RAP1B: variants seen among roughly 807,000 people sequenced by gnomAD.
RAP1B encodes the protein ras-related protein Rap-1b.
A neutral mutation model predicts 27.5 loss-of-function variants in RAP1B; 1 was observed. The observed-to-expected ratio is 0.04, with a 90% CI of 0.01 to 0.17. The LOEUF is 0.17. RAP1B is among the 10% of genes least tolerant of loss of function. RAP1B has a pLI of 1.00. For missense variants in RAP1B, 84 were observed against 214.8 expected (o/e 0.39, Z 3.81); for synonymous variants, 75 against 73.1 (o/e 1.03, Z -0.13).
chr12:68,664,308 C>G lies in RAP1B; in HGVS notation c.*5059C>G, dbSNP rs2135979864. On this transcript the variant is annotated 3_prime_UTR_variant, in exon 8 of 8. Transcript: ENST00000250559. ...TCTATTTATGTCTGGTAGTTATGTC[C>G]CCTGTGAGCACTAATTTCAGAACAG... 1 of 152,186 alleles carries G rather than the reference C, an allele frequency of 6.6e-6. No individual in the cohort carries two copies. The highest frequency in any genetic ancestry group is 1.5e-5 in the Non-Finnish European group (1 of 68,014). The allele number at this position is 152,186 out of a possible 1,614,324, so 9.4% of individuals were successfully genotyped here.
At chr12:68,622,376 C>G (rs1396780199) in intron 1 of RAP1B, among the ~76,000 whole-genome samples, 1 of 152,202 alleles carries the variant, frequency 6.6e-6, no homozygotes, top group East Asian at 1.9e-4. Flanking sequence ...ATGTAATACC[C>G]TCCGGTCCCA....
At chr12:68,640,614 CAAAT>C (rs550673988) in intron 1 of RAP1B, among the ~76,000 whole-genome samples, 8 of 152,156 alleles carry the variant, frequency 5.3e-5, no homozygotes, top group Non-Finnish European at 1.2e-4. Flanking sequence ...ATCTCAGCAT[CAAAT>C]AAACAAGAAT....
In RAP1B at chr12:68,616,448, T is replaced by TC. The variant is rs1871018236; in HGVS notation, c.-27+5405_-27+5406insC. ...TACTGTGCCTGGCTAATTTTTTTTT[T>TC]TTTTTTTTTTTTTTTTGAGACGGAG... On this transcript the variant is annotated intron_variant, in intron 1 of 7. Coordinates refer to ENST00000250559, the MANE Select transcript of RAP1B (RefSeq NM_001010942.3). Among the ~76,000 whole-genome samples, 3 of 139,124 alleles carry TC rather than the reference T, an allele frequency of 2.2e-5. No individual in the cohort carries two copies. In the South Asian group the frequency reaches 7.3e-4, roughly 34 times the overall value. The allele number at this position is 139,124 out of a possible 152,430, so 91.3% of individuals were successfully genotyped here.
chr12:68,616,715 T>C (rs1871046344), intron 1 of RAP1B, among the ~76,000 whole-genome samples: 1 of 152,116 alleles, frequency 6.6e-6, no homozygotes. Flanking sequence ...ATTACAGGCA[T>C]GAGCCACCGC....
At chr12:68,623,802 C>G (rs1021508503) in intron 1 of RAP1B, among the ~76,000 whole-genome samples, 2 of 152,172 alleles carry the variant, frequency 1.3e-5, no homozygotes, top group Non-Finnish European at 2.9e-5. Flanking sequence ...GTGGGTGGAT[C>G]ACGAGGTCAG....
rs1387826731 is a variant in RAP1B at position 68,610,956 on chromosome 12, G to C, written c.-114G>C. 3 of 313,768 alleles carry C rather than the reference G, an allele frequency of 9.6e-6. No homozygotes were observed. Among genetic ancestry groups the C allele is most frequent in the Admixed American group, 1.0e-4 (2 of 19,666 alleles). 19.4% of individuals were successfully genotyped at this position (313,768 alleles called of 1,614,324 possible). On this transcript the variant is annotated 5_prime_UTR_variant, in exon 1 of 8. Coordinates refer to ENST00000250559, the MANE Select transcript of RAP1B (RefSeq NM_001010942.3). ...GTAAACCAGCCGGAGCGGCGCGGCA[G>C]CGGCAGGACCGCCGTGGCGCCTAGA...
chr12:68,657,469 A>G (rs980036918), intron 7 of RAP1B: 1 of 229,418 alleles, frequency 4.4e-6, no homozygotes, highest in Non-Finnish European at 8.5e-6. Context: ...CAGTGGCGCA[A>G]TATCAGCTCC....
In RAP1B at chr12:68,667,327, T is replaced by C. The variant is rs186197581; in HGVS notation, c.*8078T>C. The stretch of plus-strand genomic sequence containing the variant: ...CTGCTTGGTTATTTTGTTTTTGTTT[T>C]TTAAGAAATGGGAGGAGTGTAATAT... On this transcript the variant is annotated 3_prime_UTR_variant, in exon 8 of 8. Coordinates refer to ENST00000250559, the MANE Select transcript of RAP1B (RefSeq NM_001010942.3). The C allele has an allele frequency of 5.9e-5, 9 of 152,270 alleles. No homozygotes were observed. Among genetic ancestry groups the C allele is most frequent in the Non-Finnish European group, 7.4e-5 (5 of 68,018 alleles). The allele number at this position is 152,270 out of a possible 1,614,324, so 9.4% of individuals were successfully genotyped here.
chr12:68,623,712 T>G (rs1334654057), intron 1 of RAP1B, among the ~76,000 whole-genome samples: 1 of 152,228 alleles, frequency 6.6e-6, no homozygotes, highest in East Asian at 1.9e-4. Context: ...ATTTTAGGAT[T>G]TCAGAATTTC....
intron 1 of RAP1B, among the ~76,000 whole-genome samples, chr12:68,620,511 CT>C (rs1201185281): frequency 6.6e-6 from 1 of 151,816 alleles, no homozygotes; most frequent in Non-Finnish European, 1.5e-5. Context: ...ACTCTGTGGC[CT>C]TCTTTTTTAT....
chr12:68,631,135 C>A (rs951336344), intron 1 of RAP1B, among the ~76,000 whole-genome samples: 1 of 151,998 alleles, frequency 6.6e-6, no homozygotes, highest in Non-Finnish European at 1.5e-5. Context: ...AATTAATATC[C>A]TGTTATAAAA....
chr12:68,632,721 G>T (rs1721705433), intron 1 of RAP1B, among the ~76,000 whole-genome samples: 1 of 152,122 alleles, frequency 6.6e-6, no homozygotes, highest in African/African-American at 2.4e-5. Context: ...CACAACAGTG[G>T]TGTCTATTGC....
intron 1 of RAP1B, among the ~76,000 whole-genome samples, chr12:68,629,013 ATCTG>A (rs56340839): frequency 4.6e-5 from 7 of 151,820 alleles, no homozygotes; most frequent in South Asian, 2.1e-4. Flanking sequence ...TTTATCTTCT[ATCTG>A]TCTGTCTGTC....
At chr12:68,622,841 A>G (rs1015758972) in intron 1 of RAP1B, among the ~76,000 whole-genome samples, 19 of 152,286 alleles carry the variant, frequency 1.2e-4, no homozygotes, top group African/African-American at 4.1e-4. Context: ...CAATTCCCAT[A>G]ATAAGCTACT....
intron 1 of RAP1B, among the ~76,000 whole-genome samples, chr12:68,616,780 C>T (rs933032024): frequency 8.6e-5 from 13 of 151,806 alleles, no homozygotes; most frequent in African/African-American, 3.1e-4. Flanking sequence ...TGCCCAAGCT[C>T]ACCTCAAACT....
At chr12:68,612,877 C>A (rs1336322386) in intron 1 of RAP1B, among the ~76,000 whole-genome samples, 1 of 151,994 alleles carries the variant, frequency 6.6e-6, no homozygotes, top group East Asian at 1.9e-4. Flanking sequence ...TAGGTGTTTT[C>A]ACTTGCATTT....
At chr12:68,620,315 C>T (rs967261579) in intron 1 of RAP1B, among the ~76,000 whole-genome samples, 1 of 151,868 alleles carries the variant, frequency 6.6e-6, no homozygotes, top group African/African-American at 2.4e-5. Context: ...CCTCCTCCTC[C>T]CAGGTTCAAG....
chr12:68,610,914 C>T lies in RAP1B; in HGVS notation c.-156C>T, dbSNP rs187192254. The T allele has an allele frequency of 9.8e-6, 3 of 305,794 alleles. No homozygotes were observed. The highest frequency in any genetic ancestry group is 9.3e-5 in the East Asian group (2 of 21,432). 18.9% of individuals were successfully genotyped at this position (305,794 alleles called of 1,614,324 possible). A position where few individuals can be genotyped will look rare whatever the true frequency, so the allele number is the denominator to read the frequency against. On this transcript the variant is annotated 5_prime_UTR_variant, in exon 1 of 8. Coordinates refer to ENST00000250559, the MANE Select transcript of RAP1B (RefSeq NM_001010942.3). ...ACGTCAAGGCGACATCGCCAAACCT[C>T]GCCCAGATTCAGGCGTGTAAACCAG...
At chr12:68,658,474 A>G (rs1330005986) in intron 7 of RAP1B, among the ~76,000 whole-genome samples, 2 of 152,218 alleles carry the variant, frequency 1.3e-5, no homozygotes, top group South Asian at 2.1e-4. Flanking sequence ...CAACAGCCAC[A>G]TATGTATTAA....
Sources: gnomAD v4.1 joint callset for allele counts (sites outside exome capture counted in the v4.1 genomes callset) on GRCh38, gnomAD v4.1.1 for gene constraint, MANE v1.5 for transcripts, NCBI Gene and HGNC (gene_info 2026-07-23, HGNC 2026-07-21) for gene names.